The following CADM2 variants were observed in gnomAD, a reference collection of about 807,000 sequenced individuals.
CADM2 encodes the protein immunoglobulin superfamily member 4D.
CADM2 carries 12 observed loss-of-function variants against 49.8 expected under a neutral mutation model. The ratio of observed to expected loss-of-function variants is 0.24; its 90% CI spans 0.15 to 0.39. The LOEUF (loss-of-function observed/expected upper bound fraction) is 0.39. Ranked by LOEUF, CADM2 falls within the 10% of genes least tolerant of loss-of-function variation. The pLI, the probability that CADM2 is intolerant of heterozygous loss-of-function variation, is 1.00. For synonymous variants in CADM2, 214 were observed against 175.4 expected, an observed-to-expected ratio of 1.22 and a Z score of -1.74; for missense variants, 378 against 492.3, an observed-to-expected ratio of 0.77 and a Z score of 2.20.
At chr3:85,970,847 A>G (rs1317531856) in intron 8 of CADM2, among the ~76,000 whole-genome samples, 2 of 151,570 alleles carry the variant, frequency 1.3e-5, no homozygotes, top group Non-Finnish European at 3.0e-5. Context: ...CGGTATCAAG[A>G]TAAACCTAAA....
chr3:85,856,321 C>G (rs1002711621), intron 3 of CADM2, among the ~76,000 whole-genome samples: 16 of 152,082 alleles, frequency 1.1e-4, no homozygotes, highest in African/African-American at 3.9e-4. Context: ...ACCACACATT[C>G]AATAATTGTT....
chr3:85,003,701 A>G (rs1020528311), intron 1 of CADM2, among the ~76,000 whole-genome samples: 1 of 152,064 alleles, frequency 6.6e-6, no homozygotes, highest in Non-Finnish European at 1.5e-5. Context: ...TTCCCAGGCA[A>G]CTCTTTAGTG....
intron 1 of CADM2, among the ~76,000 whole-genome samples, chr3:85,085,070 G>A (rs140961837): frequency 1.7e-4 from 26 of 151,902 alleles, no homozygotes; most frequent in African/African-American, 6.3e-4. Flanking sequence ...TTTTTTTTAT[G>A]GTGAGAATAT....
intron 1 of CADM2, among the ~76,000 whole-genome samples, chr3:85,544,857 TAGGA>T (rs996697692): frequency 3.3e-5 from 5 of 150,340 alleles, no homozygotes; most frequent in African/African-American, 4.9e-5. Context: ...AAAGGGAGGA[TAGGA>T]AGGAAGGAAG....
intron 1 of CADM2, among the ~76,000 whole-genome samples, chr3:85,021,761 G>T (rs2034522437): frequency 6.6e-6 from 1 of 152,090 alleles, no homozygotes; most frequent in African/African-American, 2.4e-5. Context: ...GGTGACAAGG[G>T]CGAAACTCCG....
intron 1 of CADM2, among the ~76,000 whole-genome samples, chr3:85,347,088 T>C (rs1323221987): frequency 6.6e-6 from 1 of 151,856 alleles, no homozygotes; most frequent in African/African-American, 2.4e-5. Flanking sequence ...CCAGGTATGG[T>C]GGTGCATGCC....
chr3:85,751,617 G>GCTGCAGCACTCTCACATTTGT (rs1415524610), intron 2 of CADM2, among the ~76,000 whole-genome samples: 2 of 152,008 alleles, frequency 1.3e-5, no homozygotes, highest in Non-Finnish European at 2.9e-5. Flanking sequence ...TCTTTGAGAC[G>GCTGCAGCACTCTCACATTTGT]CTGCAGCACT....
At chr3:85,519,438 T>G (rs895209386) in intron 1 of CADM2, among the ~76,000 whole-genome samples, 1 of 152,162 alleles carries the variant, frequency 6.6e-6, no homozygotes, top group Non-Finnish European at 1.5e-5. Flanking sequence ...ATAGCAATCA[T>G]AAATCAATAT....
intron 8 of CADM2, among the ~76,000 whole-genome samples, chr3:86,020,520 C>T (rs990281844): frequency 6.6e-5 from 10 of 151,410 alleles, no homozygotes; most frequent in Non-Finnish European, 1.3e-4. Context: ...CAAAGCCAGG[C>T]AGAGACACAA....
chr3:85,039,095 C>T (rs1032789740), intron 1 of CADM2, among the ~76,000 whole-genome samples: 6 of 152,014 alleles, frequency 3.9e-5, no homozygotes, highest in Admixed American at 6.6e-5. Context: ...TCTGCCTCCT[C>T]GGTTCAAGCG....
At chr3:85,586,412 A>T (rs1241684511) in intron 1 of CADM2, among the ~76,000 whole-genome samples, 1 of 152,162 alleles carries the variant, frequency 6.6e-6, no homozygotes, top group African/African-American at 2.4e-5. Flanking sequence ...ACTCTAACGT[A>T]CCTATTTCTG....
intron 1 of CADM2, among the ~76,000 whole-genome samples, chr3:85,098,735 A>T (rs2037900069): frequency 6.6e-6 from 1 of 152,150 alleles, no homozygotes; most frequent in South Asian, 2.1e-4. Flanking sequence ...GGTCCTGGGG[A>T]ACCCACGTGT....
chr3:85,203,927 C>T (rs937259077), intron 1 of CADM2, among the ~76,000 whole-genome samples: 6 of 151,956 alleles, frequency 3.9e-5, no homozygotes, highest in Admixed American at 2.0e-4. Context: ...AATAGCTGAC[C>T]GTGAATGATG....
chr3:85,147,833 G>A (rs1361868844), intron 1 of CADM2, among the ~76,000 whole-genome samples: 1 of 151,746 alleles, frequency 6.6e-6, no homozygotes, highest in Non-Finnish European at 1.5e-5. Context: ...TAAAAAGGAG[G>A]AACCAGAAAT....
At chr3:86,027,767 A>G (rs1188561187) in intron 8 of CADM2, 1 of 152,136 alleles carries the variant, frequency 6.6e-6, no homozygotes, top group East Asian at 1.9e-4. Flanking sequence ...TTCAATTTTA[A>G]AAGTATTGCT....
At chr3:85,490,531 C>T (rs2039628478) in intron 1 of CADM2, among the ~76,000 whole-genome samples, 1 of 152,080 alleles carries the variant, frequency 6.6e-6, no homozygotes, top group African/African-American at 2.4e-5. Context: ...CTGCAGTAAG[C>T]TATGATTATG....
At chr3:85,504,878 T>C (rs910163101) in intron 1 of CADM2, among the ~76,000 whole-genome samples, 4 of 152,146 alleles carry the variant, frequency 2.6e-5, no homozygotes, top group Non-Finnish European at 5.9e-5. Flanking sequence ...GGGCCGGCAC[T>C]GCTGGGGGAC....
At chr3:85,067,056 G>A (rs1253086240) in intron 1 of CADM2, among the ~76,000 whole-genome samples, 1 of 152,124 alleles carries the variant, frequency 6.6e-6, no homozygotes, top group Non-Finnish European at 1.5e-5. Context: ...GTAAGTTTAA[G>A]TAGGCTTTAA....
chr3:85,614,134 A>G (rs896795502), intron 1 of CADM2, among the ~76,000 whole-genome samples: 2 of 151,262 alleles, frequency 1.3e-5, no homozygotes, highest in Non-Finnish European at 3.0e-5. Context: ...AGTAAATCCA[A>G]GTGTATTGGT....
Sources: gnomAD v4.1 joint callset for allele counts (sites outside exome capture counted in the v4.1 genomes callset) on GRCh38, gnomAD v4.1.1 for gene constraint, MANE v1.5 for transcripts, NCBI Gene and HGNC (gene_info 2026-07-23, HGNC 2026-07-21) for gene names.